GLIS1: variants seen among roughly 807,000 people sequenced by gnomAD.
GLIS1 encodes the protein GLIS family zinc finger 1.
A neutral mutation model predicts 63.8 loss-of-function variants in GLIS1; 24 were observed. The observed-to-expected ratio is 0.38, with a 90% CI of 0.27 to 0.53. The LOEUF (loss-of-function observed/expected upper bound fraction) is 0.53, where lower values mean the gene tolerates loss of function less well. Among genes scored for constraint, GLIS1 ranks in the 20% least tolerant of loss-of-function variants. The probability of loss-of-function intolerance (pLI) is 0.85; values close to 1 mark genes in which losing one functional copy is unlikely to be tolerated. For synonymous variants in GLIS1, 450 were observed against 482.5 expected (o/e 0.93, Z 0.88); for missense variants, 1,036 against 1,074.1 (o/e 0.96, Z 0.50).
chr1:53,544,045 T>G (rs559877361), intron 4 of GLIS1, among the ~76,000 whole-genome samples: 1 of 152,328 alleles, frequency 6.6e-6, no homozygotes, highest in Non-Finnish European at 1.5e-5. Context: ...CCAGCCCAGA[T>G]GCCTGGCTCA....
chr1:53,557,506 T>G (rs886550276), intron 4 of GLIS1, among the ~76,000 whole-genome samples: 1 of 152,074 alleles, frequency 6.6e-6, no homozygotes, highest in African/African-American at 2.4e-5. Flanking sequence ...CCAGAAAGCC[T>G]CTTGGAGGTC....
chr1:53,567,205 T>C (rs1569840736), intron 4 of GLIS1, among the ~76,000 whole-genome samples: 1 of 152,206 alleles, frequency 6.6e-6, no homozygotes, highest in Non-Finnish European at 1.5e-5. Context: ...GTCATTCTTG[T>C]TATGCTTTAG....
chr1:53,556,423 GTGTGTGC>G (rs1644828030), intron 4 of GLIS1, among the ~76,000 whole-genome samples: 1 of 147,086 alleles, frequency 6.8e-6, no homozygotes, highest in Admixed American at 6.7e-5. Flanking sequence ...CTGTAGGTAT[GTGTGTGC>G]AGGTGTACTG....
rs182176629 is a variant in GLIS1, at chr1:53,698,865, C to T, written c.259+38941G>A. The stretch of plus-strand genomic sequence containing the variant: ...ATCTGACCCTCATCACGAACCTGTG[C>T]GGGCAGCACCAAACCCCACTGAGGA... On this transcript the variant is annotated intron_variant, in intron 2 of 10. Transcript: ENST00000628545. Among the ~76,000 whole-genome samples the T allele has an allele frequency of 6.8e-4, 103 of 152,250 alleles. 1 individual carries two copies. The highest frequency in any genetic ancestry group is 1.4e-3 in the Admixed American group (22 of 15,292).
chr1:53,522,466 C>G (rs1212394646), intron 6 of GLIS1, among the ~76,000 whole-genome samples: 3 of 152,224 alleles, frequency 2.0e-5, no homozygotes, highest in Admixed American at 6.5e-5. Context: ...CTGCTAGAGC[C>G]TGGGCCATTC....
chr1:53,707,507 G>A (rs537698141), intron 2 of GLIS1, among the ~76,000 whole-genome samples: 4 of 152,106 alleles, frequency 2.6e-5, no homozygotes, highest in East Asian at 1.9e-4. Context: ...AAAATTAGCC[G>A]GGCATGGTGG....
intron 4 of GLIS1, among the ~76,000 whole-genome samples, chr1:53,555,132 G>A (rs1040932206): frequency 2.0e-5 from 3 of 152,184 alleles, no homozygotes; most frequent in African/African-American, 2.4e-5. Flanking sequence ...AGGCGACATC[G>A]CCGCTCCCTT....
chr1:53,726,198 T>C (rs950982602), intron 2 of GLIS1, among the ~76,000 whole-genome samples: 1 of 152,146 alleles, frequency 6.6e-6, no homozygotes, highest in Non-Finnish European at 1.5e-5. Flanking sequence ...ACCCAAGGCC[T>C]TGATGGAAGG....
At chr1:53,664,684 C>G (rs1018845357) in intron 2 of GLIS1, among the ~76,000 whole-genome samples, 1 of 152,164 alleles carries the variant, frequency 6.6e-6, no homozygotes, top group South Asian at 2.1e-4. Flanking sequence ...AATAGTTGCA[C>G]CCATCAGTTG....
intron 4 of GLIS1, among the ~76,000 whole-genome samples, chr1:53,531,662 C>T (rs1160146509): frequency 6.6e-6 from 1 of 152,144 alleles, no homozygotes; most frequent in Non-Finnish European, 1.5e-5. Flanking sequence ...GATGCACACA[C>T]GCACACCACC....
intron 2 of GLIS1, among the ~76,000 whole-genome samples, chr1:53,722,659 G>A (rs1307630223): frequency 6.6e-6 from 1 of 151,996 alleles, no homozygotes; most frequent in Non-Finnish European, 1.5e-5. Context: ...TGGCCAACAT[G>A]GTAAAACCCT....
At chr1:53,519,857 C>T (rs1314635696) in intron 7 of GLIS1, among the ~76,000 whole-genome samples, 5 of 152,202 alleles carry the variant, frequency 3.3e-5, no homozygotes, top group Non-Finnish European at 7.3e-5. Context: ...GGAGTCAAGG[C>T]CAGGAGCAGA....
rs144080956 is a variant in GLIS1, at chr1:53,676,607, C to T, written c.259+61199G>A. ...ATTTAGAAATCACCAGCACCCCGCA[C>T]GCACCCCCAGCCCCAGCCCTGCCAC... On this transcript the variant is annotated intron_variant, in intron 2 of 10. Transcript: ENST00000628545. 3.3e-5 allele frequency among the ~76,000 whole-genome samples: 5 copies of T among 152,266 alleles called. No homozygotes were observed. The East Asian group carries it at 5.8e-4, about 18-fold the overall frequency.
intron 2 of GLIS1, among the ~76,000 whole-genome samples, chr1:53,664,577 G>A (rs1243011316): frequency 6.6e-6 from 1 of 152,190 alleles, no homozygotes; most frequent in Admixed American, 6.5e-5. Flanking sequence ...TATGTGCCAG[G>A]CACCATTCTA....
chr1:53,573,659 C>T lies in GLIS1; in HGVS notation c.1320+20449G>A, dbSNP rs146876721. Among the ~76,000 whole-genome samples the T allele has an allele frequency of 4.8e-4, 73 of 152,336 alleles. 1 individual carries two copies. The East Asian group carries it at 0.013, about 27-fold the overall frequency. Reference sequence around the variant, plus strand: ...CCACACAAGCACATGCACATGTACACGCACACACACATGCACAGTTAGAGA... The same window carrying T: ...CCACACAAGCACATGCACATGTACATGCACACACACATGCACAGTTAGAGA... On this transcript the variant is annotated intron_variant, in intron 4 of 10. Transcript: ENST00000628545.
intron 5 of GLIS1, among the ~76,000 whole-genome samples, chr1:53,529,178 T>C (rs1229362412): frequency 6.6e-6 from 1 of 152,220 alleles, no homozygotes; most frequent in East Asian, 1.9e-4. Context: ...ATAAAGCTGC[T>C]GTTACCTATG....
chr1:53,600,615 G>A (rs906549900), intron 2 of GLIS1, among the ~76,000 whole-genome samples: 8 of 152,316 alleles, frequency 5.3e-5, no homozygotes, highest in African/African-American at 7.2e-5. Flanking sequence ...CTCTTGGAAC[G>A]TACAGTGTAT....
chr1:53,725,023 G>A (rs1413825769), intron 2 of GLIS1, among the ~76,000 whole-genome samples: 3 of 152,138 alleles, frequency 2.0e-5, no homozygotes, highest in East Asian at 1.9e-4. Context: ...TAGCTCTTCC[G>A]TATTCTGAGT....
chr1:53,666,447 G>A (rs149283423), intron 2 of GLIS1, among the ~76,000 whole-genome samples: 2 of 152,240 alleles, frequency 1.3e-5, no homozygotes, highest in African/African-American at 4.8e-5. Flanking sequence ...CTTAGTCAGG[G>A]ACCAGACCAA....
Sources: gnomAD v4.1 joint callset for allele counts (sites outside exome capture counted in the v4.1 genomes callset) on GRCh38, gnomAD v4.1.1 for gene constraint, MANE v1.5 for transcripts, NCBI Gene and HGNC (gene_info 2026-07-23, HGNC 2026-07-21) for gene names.